CACNA1A: variants seen among roughly 807,000 people sequenced by gnomAD.
The protein encoded by CACNA1A is voltage-dependent P/Q-type calcium channel subunit alpha-1A.
A neutral mutation model predicts 262.4 loss-of-function variants in CACNA1A; 57 were observed. The observed-to-expected ratio is 0.22, with a 90% CI of 0.18 to 0.27. The LOEUF (loss-of-function observed/expected upper bound fraction) is 0.27. Ranked by LOEUF, CACNA1A falls within the 10% of genes least tolerant of loss-of-function variation. The probability of loss-of-function intolerance (pLI) is 1.00; values close to 1 mark genes in which losing one functional copy is unlikely to be tolerated. For missense variants in CACNA1A, 2,526 were observed against 3,562.8 expected (o/e 0.71, Z 7.41); for synonymous variants, 1,431 against 1,419.3 (o/e 1.01, Z -0.18).
At chr19:13,261,998 A>C (rs2056744423) in intron 25 of CACNA1A, 1 of 178,344 alleles carries the variant, frequency 5.6e-6, no homozygotes, top group Non-Finnish European at 1.2e-5. Context: ...TAACCAAGAA[A>C]GAGCAGTTGT....
chr19:13,207,881 TGCTGC>T lies in CACNA1A; in HGVS notation c.6948_6952del (p.Gln2317AlafsTer184). 3.8e-6 allele frequency: 5 copies of T among 1,311,272 alleles called. No homozygotes were observed. The highest frequency in any genetic ancestry group is 4.0e-6 in the Non-Finnish European group (4 of 987,800). The allele number at this position is 1,311,272 out of a possible 1,614,324, so 81.2% of individuals were successfully genotyped here. A position where few individuals can be genotyped will look rare whatever the true frequency, so the allele number is the denominator to read the frequency against. ...CGCCTGCTGCTGCTGCTGCTGCTGC[TGCTGC>T]TGCTGCTGCTGCGGGGGCCCCGAGC... On this transcript the variant is annotated frameshift_variant, in exon 47 of 47. Coordinates refer to ENST00000360228, the MANE Select transcript of CACNA1A (RefSeq NM_001127222.2). LOFTEE classifies it low-confidence loss of function (END_TRUNC). This position sits in a 1 kb window ranked among gnomAD's most constrained non-coding sequence, Gnocchi z 5.7.
intron 3 of CACNA1A, among the ~76,000 whole-genome samples, chr19:13,385,230 C>CTTTT (rs911743392): frequency 2.2e-4 from 31 of 139,662 alleles, no homozygotes; most frequent in South Asian, 4.5e-4. Flanking sequence ...TTCTTTCTTT[C>CTTTT]TTTTTTTTTT....
At chr19:13,493,713 C>G (rs571094419) in intron 1 of CACNA1A, among the ~76,000 whole-genome samples, 1 of 152,352 alleles carries the variant, frequency 6.6e-6, no homozygotes, top group South Asian at 2.1e-4. Context: ...ATTCAGAAAA[C>G]TATCAGAACC....
chr19:13,208,779 G>A lies in CACNA1A; in HGVS notation c.6757C>T (p.Arg2253Ter), dbSNP rs1166102159. 2 of 1,568,660 alleles carry A rather than the reference G, an allele frequency of 1.3e-6. No homozygotes were observed. Among genetic ancestry groups the A allele is most frequent in the Non-Finnish European group, 1.7e-6 (2 of 1,165,538 alleles). ...QRWSRSPSEG[R>*]EHMAHRQGSS... ...ACCTGCCGGTGCGCCATGTGCTCTC[G>A]GCCCTCGCTGGGCGAGCGGGACCAG... Residue 2253 changes from arginine (R) to a stop codon, truncating the protein, a stop_gained, in exon 46 of 47, where the codon CGA (arginine) becomes TGA (stop). Transcript: ENST00000360228. LOFTEE classifies it low-confidence loss of function (END_TRUNC).
At chr19:13,279,839 C>T (rs983431828) in intron 22 of CACNA1A, among the ~76,000 whole-genome samples, 6 of 151,902 alleles carry the variant, frequency 3.9e-5, no homozygotes, top group Admixed American at 2.6e-4. Flanking sequence ...GACAGGGTCT[C>T]GCTCTGTCGC....
intron 6 of CACNA1A, among the ~76,000 whole-genome samples, chr19:13,338,480 A>G (rs914343229): frequency 3.3e-5 from 5 of 152,230 alleles, no homozygotes; most frequent in Non-Finnish European, 7.3e-5. Flanking sequence ...ACACAAGAAC[A>G]TTCATAGCAA....
rs771816009 is a variant in CACNA1A, at chr19:13,212,612, T to C, written c.6050+19A>G. On this transcript the variant is annotated intron_variant, in intron 41 of 46. Coordinates refer to ENST00000360228, the MANE Select transcript of CACNA1A (RefSeq NM_001127222.2). This position sits in a 1 kb window ranked among gnomAD's most constrained non-coding sequence, Gnocchi z 5.6. The stretch of plus-strand genomic sequence containing the variant: ...ACGGCACCCCCACACTCCACCTCCC[T>C]GGCAGGGGTGACACTCACAGGGCTC... The C allele has an allele frequency of 4.0e-6, 6 of 1,510,444 alleles. No homozygotes were observed. Among genetic ancestry groups the C allele is most frequent in the Non-Finnish European group, 5.3e-6 (6 of 1,123,034 alleles). The allele number at this position is 1,510,444 out of a possible 1,614,324, so 93.6% of individuals were successfully genotyped here.
chr19:13,387,398 G>A (rs1458188173), intron 3 of CACNA1A, among the ~76,000 whole-genome samples: 2 of 152,126 alleles, frequency 1.3e-5, no homozygotes, highest in African/African-American at 4.8e-5. Flanking sequence ...GCTTACCAGG[G>A]ACTTGTTCTA....
chr19:13,334,406 A>G lies in CACNA1A; in HGVS notation c.1170T>C (p.Asn390=), dbSNP rs768768744. ...RRQQQIEREL[N]GYMEWISKAE... is the part of the protein sequence containing the mutation. ...CTTTTGAGATCCACTCCATGTACCC[A>G]TTGAGCTCACGTTCAATCTGTTGTT... The change falls in exon 8 of 47, where the codon AAT becomes AAC. Residue 390 remains asparagine, a synonymous_variant. Coordinates refer to ENST00000360228, the MANE Select transcript of CACNA1A (RefSeq NM_001127222.2). 1 of 1,605,746 alleles carries G rather than the reference A, an allele frequency of 6.2e-7. No individual in the cohort carries two copies. The highest frequency in any genetic ancestry group is 1.7e-5 in the Admixed American group (1 of 59,988).
At chr19:13,325,262 G>A (rs2058340557) in intron 10 of CACNA1A, among the ~76,000 whole-genome samples, 2 of 150,260 alleles carry the variant, frequency 1.3e-5, no homozygotes, top group Middle Eastern at 3.4e-3. Context: ...ACTCTGGGAG[G>A]CCAAGGTGGG....
intron 38 of CACNA1A, among the ~76,000 whole-genome samples, chr19:13,223,745 C>T (rs1392404731): frequency 6.6e-6 from 1 of 152,156 alleles, no homozygotes; most frequent in Non-Finnish European, 1.5e-5. Flanking sequence ...GAGCACCTTC[C>T]CCCCAGGGAT....
rs181829250 is a variant in CACNA1A, at chr19:13,499,522, T to C, written c.293+6410A>G. ...TGGCCGGTTTCCAAAAAAAGAACAC[T>C]GGAACCTAAATGACTCCATAGTATT... On this transcript the variant is annotated intron_variant, in intron 1 of 46. Transcript: ENST00000360228. Among the ~76,000 whole-genome samples, 995 of 150,644 alleles carry C rather than the reference T, an allele frequency of 6.6e-3. 13 individuals are homozygous for C. The highest frequency in any genetic ancestry group is 0.023 in the African/African-American group (933 of 40,734).
chr19:13,504,576 G>A (rs1982787194), intron 1 of CACNA1A, among the ~76,000 whole-genome samples: 1 of 151,968 alleles, frequency 6.6e-6, no homozygotes, highest in Admixed American at 6.6e-5. Context: ...GCCCAGCCCC[G>A]TTTAGTCTAT....
chr19:13,401,505 T>C (rs1234736952), intron 3 of CACNA1A, among the ~76,000 whole-genome samples: 2 of 152,164 alleles, frequency 1.3e-5, no homozygotes, highest in African/African-American at 4.8e-5. Context: ...CCACTAAAGA[T>C]TCACAAGTGG....
intron 3 of CACNA1A, among the ~76,000 whole-genome samples, chr19:13,433,460 C>CAAAAAAAAGAAAAAAA (rs2060554651): frequency 1.3e-5 from 1 of 76,230 alleles, no homozygotes; most frequent in Admixed American, 1.5e-4. Context: ...GACGCTGTCT[C>CAAAAAAAAGAAAAAAA]AAAAAAAAAA....
At chr19:13,252,126 G>C (rs1010424525) in intron 30 of CACNA1A, among the ~76,000 whole-genome samples, 1 of 151,894 alleles carries the variant, frequency 6.6e-6, no homozygotes, top group Admixed American at 6.6e-5. Flanking sequence ...GCAGTGGCAT[G>C]ATCATAGCTC....
chr19:13,372,607 G>C (rs2059343971), intron 3 of CACNA1A, among the ~76,000 whole-genome samples: 1 of 152,198 alleles, frequency 6.6e-6, no homozygotes, highest in Non-Finnish European at 1.5e-5. Flanking sequence ...CTGTGCCTCA[G>C]TTTCCCCCTT....
intron 17 of CACNA1A, among the ~76,000 whole-genome samples, chr19:13,301,393 T>C (rs1461312853): frequency 2.0e-5 from 3 of 152,200 alleles, no homozygotes; most frequent in Non-Finnish European, 2.9e-5. Flanking sequence ...TGGCATCCGA[T>C]GGCCCCTGCC....
intron 31 of CACNA1A, among the ~76,000 whole-genome samples, chr19:13,239,712 G>C (rs1222357328): frequency 6.6e-6 from 1 of 152,174 alleles, no homozygotes; most frequent in East Asian, 1.9e-4. Context: ...GCTGAGAAGT[G>C]GGGGAGGGAG....
Sources: gnomAD v4.1 joint callset for allele counts (sites outside exome capture counted in the v4.1 genomes callset) on GRCh38, gnomAD v4.1.1 for gene constraint, Gnocchi (gnomAD v3.1) non-coding constraint, MANE v1.5 for transcripts, NCBI Gene and HGNC (gene_info 2026-07-23, HGNC 2026-07-21) for gene names.